The following RSBN1 variants were observed in gnomAD, a reference collection of about 807,000 sequenced individuals.
RSBN1 encodes lysine-specific demethylase 9.
In RSBN1, 23 loss-of-function variants were observed where a neutral mutation model predicts 74.8. That is an observed-to-expected ratio of 0.31 (90% CI 0.22 to 0.44). The LOEUF (loss-of-function observed/expected upper bound fraction) is 0.44, where lower values mean the gene tolerates loss of function less well. Among genes scored for constraint, RSBN1 ranks in the 20% least tolerant of loss-of-function variants. The pLI is 1.00. For missense variants in RSBN1, 808 were observed against 1,020.9 expected, an observed-to-expected ratio of 0.79 and a Z score of 2.84; for synonymous variants, 407 against 379.6, an observed-to-expected ratio of 1.07 and a Z score of -0.84.
intron 2 of RSBN1, among the ~76,000 whole-genome samples, chr1:113,780,881 T>C (rs1660126162): frequency 6.6e-6 from 1 of 152,240 alleles, no homozygotes; most frequent in Non-Finnish European, 1.5e-5. Flanking sequence ...CCCTTATTAG[T>C]AAACCACAAC....
rs888853147 is a variant in RSBN1, at chr1:113,762,434, T to A, written c.*3546A>T. 5 of 152,482 alleles carry A rather than the reference T, an allele frequency of 3.3e-5. No individual in the cohort carries two copies. The highest frequency in any genetic ancestry group is 7.3e-5 in the Non-Finnish European group (5 of 68,038). 9.4% of individuals were successfully genotyped at this position (152,482 alleles called of 1,614,324 possible). On this transcript the variant is annotated 3_prime_UTR_variant, in exon 7 of 7. Transcript: ENST00000261441. ...AAAAACATTTGTACTGTGCATTTCC[T>A]CTACTTGCATGGCCAATAAATACAG...
At chr1:113,785,725 A>C (rs754170191) in intron 2 of RSBN1, among the ~76,000 whole-genome samples, 1 of 152,220 alleles carries the variant, frequency 6.6e-6, no homozygotes, top group Non-Finnish European at 1.5e-5. Flanking sequence ...GTATTCCTTG[A>C]AGTAACATTG....
At position 113,811,896 on chromosome 1, in the gene RSBN1, A is replaced by G; in HGVS notation, c.517T>C (p.Phe173Leu). The G allele has an allele frequency of 3.1e-6, 5 of 1,611,972 alleles. No individual in the cohort carries two copies. Among genetic ancestry groups the G allele is most frequent in the Non-Finnish European group, 4.2e-6 (5 of 1,179,238 alleles). The stretch of plus-strand genomic sequence containing the variant: ...GCCGCGCTCACCGTCAGAGGCGAGA[A>G]GGTGAAGAGGGCCGAGGTGCTTGGG... ...PAPSTSALFT[F>L]SPLTVSAAGP... is the part of the protein sequence containing the mutation. Residue 173 changes from phenylalanine (F) to leucine (L), a missense_variant, in exon 1 of 7, where the codon TTC becomes CTC. This residue lies in a region of RSBN1 where 464 missense variants were observed against 401.0 expected (regional missense o/e 1.16). Transcript: ENST00000261441.
Position 113,798,019 on chromosome 1 carries a change from C to G in RSBN1, c.721G>C (p.Gly241Arg). Reference sequence around the variant, plus strand: ...AAATCATCGGCTCTCTGGGTTTTACCATTTTCATCTGGTGTTTCTGGCCAC... The same window carrying G: ...AAATCATCGGCTCTCTGGGTTTTACGATTTTCATCTGGTGTTTCTGGCCAC... ...APKRETPDEN[G>R]KTQRADDFVL... Residue 241 changes from glycine to arginine, a missense_variant, in exon 2 of 7, where the codon GGT becomes CGT. Physicochemically the swap from Gly to Arg is moderately radical, Grantham distance 125. This residue lies in a region of RSBN1 where 464 missense variants were observed against 401.0 expected (regional missense o/e 1.16). Coordinates refer to ENST00000261441, the MANE Select transcript of RSBN1 (RefSeq NM_018364.5). 1.9e-6 allele frequency: 3 copies of G among 1,603,222 alleles called. No homozygotes were observed. Among genetic ancestry groups the G allele is most frequent in the Non-Finnish European group, 2.5e-6 (3 of 1,176,796 alleles).
chr1:113,810,457 AG>A (rs1343587760), intron 1 of RSBN1, among the ~76,000 whole-genome samples: 1 of 152,076 alleles, frequency 6.6e-6, no homozygotes, highest in Non-Finnish European at 1.5e-5. Context: ...ATAAAAAGAG[AG>A]CAAGATCATT....
At chr1:113,796,137 A>G (rs932288888) in intron 2 of RSBN1, 14 of 152,194 alleles carry the variant, frequency 9.2e-5, no homozygotes, top group Non-Finnish European at 1.0e-4. Context: ...TTAAAAAAAA[A>G]ATGAAAATGA....
chr1:113,762,042 A>C lies in RSBN1; in HGVS notation c.*3938T>G, dbSNP rs1214830779. On this transcript the variant is annotated 3_prime_UTR_variant, in exon 7 of 7. Coordinates refer to ENST00000261441, the MANE Select transcript of RSBN1 (RefSeq NM_018364.5). Reference sequence around the variant, plus strand: ...CCTTTTTAAAACACTCGTTAATGTCAATAAACAAACTAAGGCCACACAACG... The same window carrying C: ...CCTTTTTAAAACACTCGTTAATGTCCATAAACAAACTAAGGCCACACAACG... 1 of 152,792 alleles carries C rather than the reference A, an allele frequency of 6.5e-6. No homozygotes were observed. Among genetic ancestry groups the C allele is most frequent in the Non-Finnish European group, 1.5e-5 (1 of 68,042 alleles). 9.5% of individuals were successfully genotyped at this position (152,792 alleles called of 1,614,324 possible).
At chr1:113,790,674 T>C (rs938888972) in intron 2 of RSBN1, among the ~76,000 whole-genome samples, 2 of 152,196 alleles carry the variant, frequency 1.3e-5, no homozygotes, top group Non-Finnish European at 2.9e-5. Flanking sequence ...TTTTAAAATT[T>C]GCACTTTGTA....
chr1:113,765,765 C>G lies in RSBN1; in HGVS notation c.*215G>C. On this transcript the variant is annotated 3_prime_UTR_variant, in exon 7 of 7. Coordinates refer to ENST00000261441, the MANE Select transcript of RSBN1 (RefSeq NM_018364.5). ...CTTAAAACAGAAAGTAGCAGCAGAC[C>G]CACTATTACATACTGTACTAACGGG... The G allele has an allele frequency of 2.3e-6, 1 of 437,040 alleles. No individual in the cohort carries two copies. 27.1% of individuals were successfully genotyped at this position (437,040 alleles called of 1,614,324 possible).
In RSBN1 at chr1:113,811,794, A is replaced by G. The variant is rs1660857611; in HGVS notation, c.619T>C (p.Cys207Arg). ...TCCTTGTGCTTGAGATCGGTTCCGC[A>G]GGAGCTGGGATCACCATCGGGGCCG... ...HRGPDGDPSS[C>R]GTDLKHKDKQ... Residue 207 changes from cysteine (C) to arginine (R), a missense_variant, in exon 1 of 7, where the codon TGC (cysteine) becomes CGC (arginine). Cys to Arg is a radical substitution (Grantham distance 180). This residue lies in a region of RSBN1 where 464 missense variants were observed against 401.0 expected (regional missense o/e 1.16). Coordinates refer to ENST00000261441, the MANE Select transcript of RSBN1 (RefSeq NM_018364.5). 2 of 1,613,742 alleles carry G rather than the reference A, an allele frequency of 1.2e-6. No homozygotes were observed. Among genetic ancestry groups the G allele is most frequent in the African/African-American group, 2.7e-5 (2 of 74,918 alleles).
intron 1 of RSBN1, among the ~76,000 whole-genome samples, chr1:113,807,542 C>A (rs529902965): frequency 6.6e-6 from 1 of 151,734 alleles, no homozygotes; most frequent in East Asian, 1.9e-4. Flanking sequence ...GGTGGATCAC[C>A]TGAGGTCAGG....
At chr1:113,777,124 C>A in intron 4 of RSBN1, 86 bp downstream of exon 4, 1 of 1,259,368 alleles carries the variant, frequency 7.9e-7, no homozygotes, top group East Asian at 2.4e-5. Flanking sequence ...GAGCCCAAGA[C>A]AAATGGTTTT....
intron 1 of RSBN1, among the ~76,000 whole-genome samples, chr1:113,811,367 G>T (rs1410791831): frequency 3.3e-5 from 5 of 152,150 alleles, no homozygotes; most frequent in Non-Finnish European, 5.9e-5. Flanking sequence ...AAGGAGAAGG[G>T]ATTTTAGGAA....
At chr1:113,777,529 A>T in intron 3 of RSBN1, 142 bp downstream of exon 3, 7 of 931,808 alleles carry the variant, frequency 7.5e-6, no homozygotes, top group Non-Finnish European at 1.1e-5. Flanking sequence ...ACTTTGTACT[A>T]ATATTATTCT....
intron 5 of RSBN1, among the ~76,000 whole-genome samples, chr1:113,767,596 T>C (rs1463184166): frequency 1.3e-5 from 2 of 152,160 alleles, no homozygotes; most frequent in Admixed American, 6.5e-5. Context: ...AGAACTACCA[T>C]ATAATCCAGC....
At chr1:113,766,877 T>A (rs1192202921) in intron 6 of RSBN1, among the ~76,000 whole-genome samples, 1 of 152,178 alleles carries the variant, frequency 6.6e-6, no homozygotes, top group East Asian at 1.9e-4. Context: ...CCTCTAACCA[T>A]CCCAGGCCCA....
chr1:113,797,471 T>C lies in RSBN1; in HGVS notation c.1269A>G (p.Pro423=). ...TAAAAGCAAAGTAGTCCAAGAAGTC[T>C]GGGAGATAAGCAGCCGCTCCATGCA... ...AIVHGAAAYL[P]DFLDYFAFNF... is the part of the protein sequence containing the mutation. Residue 423 remains proline, a synonymous_variant, in exon 2 of 7, where the codon CCA becomes CCG. Coordinates refer to ENST00000261441, the MANE Select transcript of RSBN1 (RefSeq NM_018364.5). 4 of 1,614,064 alleles carry C rather than the reference T, an allele frequency of 2.5e-6. No homozygotes were observed. Among genetic ancestry groups the C allele is most frequent in the Non-Finnish European group, 3.4e-6 (4 of 1,179,966 alleles).
At chr1:113,797,154 G>C (rs953902244) in intron 2 of RSBN1, among the ~76,000 whole-genome samples, 1 of 152,146 alleles carries the variant, frequency 6.6e-6, no homozygotes, top group African/African-American at 2.4e-5. Context: ...TGTATAACAT[G>C]TATAAAGCAT....
At position 113,812,048 on chromosome 1, in the gene RSBN1, G is replaced by C; in HGVS notation, c.365C>G (p.Pro122Arg). 2 of 1,545,318 alleles carry C rather than the reference G, an allele frequency of 1.3e-6. No individual in the cohort carries two copies. Among genetic ancestry groups the C allele is most frequent in the South Asian group, 1.2e-5 (1 of 83,252 alleles). ...PHRRRRSRQH[P>R]GPLPPTNAAP... is the part of the protein sequence containing the mutation. ...TGCATTCGTTGGCGGCAGCGGCCCA[G>C]GATGTTGGCGGCTGCGACGCCGCCG... Residue 122 changes from proline (P) to arginine (R), a missense_variant, in exon 1 of 7, where the codon CCT becomes CGT. Coordinates refer to ENST00000261441, the MANE Select transcript of RSBN1 (RefSeq NM_018364.5).
Sources: allele counts gnomAD v4.1 joint callset (sites outside exome capture counted in the v4.1 genomes callset), GRCh38; gene constraint gnomAD v4.1.1; regional missense constraint gnomAD v4.1.1; transcripts MANE v1.5; gene names NCBI Gene and HGNC (gene_info 2026-07-23, HGNC 2026-07-21).